NT5DC1: variants seen among roughly 807,000 people sequenced by gnomAD.
NT5DC1 encodes the protein 5'-nucleotidase domain containing 1.
NT5DC1 carries 42 observed loss-of-function variants against 59.4 expected under a neutral mutation model. The ratio of observed to expected loss-of-function variants is 0.71; its 90% CI spans 0.55 to 0.92. The LOEUF (loss-of-function observed/expected upper bound fraction) is 0.92, where lower values mean the gene tolerates loss of function less well. Among genes scored for constraint, NT5DC1 ranks in the 40% least tolerant of loss-of-function variants. NT5DC1 has a pLI of 0.00. For synonymous variants in NT5DC1, 172 were observed against 188.1 expected (o/e 0.91, Z 0.70); for missense variants, 501 against 537.1 (o/e 0.93, Z 0.66).
intron 6 of NT5DC1, among the ~76,000 whole-genome samples, chr6:116,156,271 T>C (rs1380076627): frequency 6.6e-6 from 1 of 152,178 alleles, no homozygotes; most frequent in East Asian, 1.9e-4. Flanking sequence ...TTTCTCTAAT[T>C]TTCCGGCAAA....
chr6:116,218,404 C>T (rs1407473434), intron 6 of NT5DC1, among the ~76,000 whole-genome samples: 1 of 151,974 alleles, frequency 6.6e-6, no homozygotes, highest in African/African-American at 2.4e-5. Context: ...TTTTTTCTTA[C>T]GTAGCCCATA....
intron 6 of NT5DC1, among the ~76,000 whole-genome samples, chr6:116,184,496 G>A (rs1202450848): frequency 1.3e-5 from 2 of 152,036 alleles, no homozygotes; most frequent in Admixed American, 6.6e-5. Flanking sequence ...ATAGCATTCA[G>A]CTATGAATCC....
At chr6:116,179,243 A>C (rs1780819915) in intron 6 of NT5DC1, among the ~76,000 whole-genome samples, 1 of 152,184 alleles carries the variant, frequency 6.6e-6, no homozygotes, top group Admixed American at 6.5e-5. Context: ...TATTAATGTG[A>C]AAATACTCCT....
Position 116,147,060 on chromosome 6 carries a change from C to T in NT5DC1, c.529+29115C>T, listed in dbSNP as rs542065057. Among the ~76,000 whole-genome samples, 9 of 150,316 alleles carry T rather than the reference C, an allele frequency of 6.0e-5. No homozygotes were observed. In the South Asian group the frequency reaches 1.9e-3, roughly 32 times the overall value. On this transcript the variant is annotated intron_variant, in intron 6 of 11. Transcript: ENST00000319550. The stretch of plus-strand genomic sequence containing the variant: ...AGCCTTTGAAGTACGACCTCAAACC[C>T]AGAACTATAAAAGAAAAGATGTATG...
chr6:116,163,462 T>G (rs913675309), intron 6 of NT5DC1, among the ~76,000 whole-genome samples: 2 of 152,138 alleles, frequency 1.3e-5, no homozygotes, highest in South Asian at 4.1e-4. Flanking sequence ...TGGTATCAAT[T>G]TTAATGTTAT....
chr6:116,219,405 C>CAGG (rs1308488563), intron 6 of NT5DC1, among the ~76,000 whole-genome samples: 1 of 152,106 alleles, frequency 6.6e-6, no homozygotes, highest in Non-Finnish European at 1.5e-5. Flanking sequence ...CAAAGTTCTC[C>CAGG]TCAGGTCTCA....
rs368898636 is a variant in NT5DC1 at position 116,178,110 on chromosome 6, C to CGT, written c.530-42921_530-42920dup. Reference sequence around the variant, plus strand: ...GTGTGCGCGCGCGCGCGCGTGCGTGCGTGTGTGTGTGTGTGTGTGTGTGTT... The same window carrying CGT: ...GTGTGCGCGCGCGCGCGCGTGCGTGCGTGTGTGTGTGTGTGTGTGTGTGTGTT... On this transcript the variant is annotated intron_variant, in intron 6 of 11. Coordinates refer to ENST00000319550, the MANE Select transcript of NT5DC1 (RefSeq NM_152729.3). Among the ~76,000 whole-genome samples, 1,024 of 117,552 alleles carry CGT rather than the reference C, an allele frequency of 8.7e-3. 14 individuals are homozygous for CGT. The highest frequency in any genetic ancestry group is 0.012 in the South Asian group (43 of 3,446). 77.1% of individuals were successfully genotyped at this position (117,552 alleles called of 152,430 possible). A position where few individuals can be genotyped will look rare whatever the true frequency, so the allele number is the denominator to read the frequency against.
intron 3 of NT5DC1, among the ~76,000 whole-genome samples, chr6:116,109,905 A>C (rs1778839684): frequency 6.6e-6 from 1 of 152,016 alleles, no homozygotes; most frequent in Non-Finnish European, 1.5e-5. Context: ...CTACATTAAC[A>C]TTTCAACTAC....
At chr6:116,197,103 C>T (rs569021614) in intron 6 of NT5DC1, among the ~76,000 whole-genome samples, 1 of 151,916 alleles carries the variant, frequency 6.6e-6, no homozygotes, top group African/African-American at 2.4e-5. Context: ...TCCTGTCCAC[C>T]CCCACCTCCT....
At chr6:116,211,111 C>T (rs1051697597) in intron 6 of NT5DC1, among the ~76,000 whole-genome samples, 1 of 152,072 alleles carries the variant, frequency 6.6e-6, no homozygotes, top group South Asian at 2.1e-4. Flanking sequence ...CCCACCGCCA[C>T]TTAAGAAGTC....
chr6:116,232,161 A>G lies in NT5DC1; in HGVS notation c.803-4805A>G, dbSNP rs560266219. Among the ~76,000 whole-genome samples the G allele has an allele frequency of 2.3e-3, 320 of 138,806 alleles. 1 individual carries two copies. Among genetic ancestry groups the G allele is most frequent in the African/African-American group, 8.2e-3 (299 of 36,420 alleles). The allele number at this position is 138,806 out of a possible 152,430, so 91.1% of individuals were successfully genotyped here. A position where few individuals can be genotyped will look rare whatever the true frequency, so the allele number is the denominator to read the frequency against. ...AATCTCATCTTCTTAAAAGGAGACTATTGGATTAGGTCCACCCTGAGAGTC... is the reference window on the plus strand; with the variant it reads ...AATCTCATCTTCTTAAAAGGAGACTGTTGGATTAGGTCCACCCTGAGAGTC... On this transcript the variant is annotated intron_variant, in intron 8 of 11. Coordinates refer to ENST00000319550, the MANE Select transcript of NT5DC1 (RefSeq NM_152729.3).
chr6:116,227,909 T>C (rs1781941400), intron 8 of NT5DC1, among the ~76,000 whole-genome samples: 1 of 152,266 alleles, frequency 6.6e-6, no homozygotes, highest in South Asian at 2.1e-4. Flanking sequence ...TTCTACAGAT[T>C]GTTTTCACTT....
intron 6 of NT5DC1, among the ~76,000 whole-genome samples, chr6:116,173,465 G>T (rs1780658780): frequency 1.3e-5 from 2 of 152,260 alleles, no homozygotes; most frequent in Admixed American, 1.3e-4. Flanking sequence ...AATGAGAGAG[G>T]TAGGCAGCCT....
chr6:116,108,556 T>C, intron 3 of NT5DC1, 121 bp downstream of exon 3: 1 of 664,532 alleles, frequency 1.5e-6, no homozygotes, highest in Non-Finnish European at 2.7e-6. Flanking sequence ...AGATGACAGA[T>C]TGTCTGTCTA....
At chr6:116,126,985 T>C (rs1779334371) in intron 6 of NT5DC1, among the ~76,000 whole-genome samples, 1 of 152,134 alleles carries the variant, frequency 6.6e-6, no homozygotes, top group Admixed American at 6.5e-5. Context: ...TAGGAAGCCT[T>C]TAAAATCAGT....
chr6:116,215,088 A>G (rs1204788), intron 6 of NT5DC1, among the ~76,000 whole-genome samples: 64,618 of 151,930 alleles, frequency 0.43, 17,725 homozygotes, highest in African/African-American at 0.78. Flanking sequence ...AATGATTAAA[A>G]GAGTGGAAAT....
chr6:116,154,898 C>G (rs1466396838), intron 6 of NT5DC1, among the ~76,000 whole-genome samples: 1 of 152,058 alleles, frequency 6.6e-6, no homozygotes, highest in Non-Finnish European at 1.5e-5. Flanking sequence ...CATTTTTCTT[C>G]ATAAGATAAA....
At chr6:116,121,104 C>G in intron 6 of NT5DC1, 1 of 1,613,846 alleles carries the variant, frequency 6.2e-7, no homozygotes, top group Non-Finnish European at 8.5e-7. Context: ...CCAGGGGGTC[C>G]AGTCAGACCT....
intron 6 of NT5DC1, among the ~76,000 whole-genome samples, chr6:116,192,097 A>G (rs1781132174): frequency 6.6e-6 from 1 of 152,012 alleles, no homozygotes; most frequent in Non-Finnish European, 1.5e-5. Flanking sequence ...AGAATTTGTC[A>G]TGTGGACTTA....
Sources: allele counts gnomAD v4.1 joint callset (sites outside exome capture counted in the v4.1 genomes callset), GRCh38; gene constraint gnomAD v4.1.1; transcripts MANE v1.5; gene names NCBI Gene and HGNC (gene_info 2026-07-23, HGNC 2026-07-21).